The following CYTH3 variants were observed in gnomAD, a reference collection of about 807,000 sequenced individuals.
CYTH3 encodes cytohesin 3, also known as cytohesin-3.
CYTH3 carries 23 observed loss-of-function variants against 55.1 expected under a neutral mutation model. That is an observed-to-expected ratio of 0.42 (90% CI 0.30 to 0.59). The LOEUF is 0.59. Among genes scored for constraint, CYTH3 ranks in the 20% least tolerant of loss-of-function variants. The pLI, the probability that CYTH3 is intolerant of heterozygous loss-of-function variation, is 0.20. For missense variants in CYTH3, 413 were observed against 524.8 expected (o/e 0.79, Z 2.08); for synonymous variants, 249 against 194.9 (o/e 1.28, Z -2.31).
chr7:6,231,971 A>G (rs140025496), intron 1 of CYTH3, among the ~76,000 whole-genome samples: 3 of 152,228 alleles, frequency 2.0e-5, no homozygotes, highest in African/African-American at 7.2e-5. Flanking sequence ...GCAACAATTT[A>G]CCTGTTCTGC....
At chr7:6,221,312 C>A (rs1245631823) in intron 1 of CYTH3, among the ~76,000 whole-genome samples, 1 of 152,146 alleles carries the variant, frequency 6.6e-6, no homozygotes, top group Non-Finnish European at 1.5e-5. Flanking sequence ...GAAACAACCC[C>A]AGTCTGAAAA....
intron 1 of CYTH3, among the ~76,000 whole-genome samples, chr7:6,198,813 G>C (rs1562382927): frequency 6.6e-6 from 1 of 151,550 alleles, no homozygotes; most frequent in Non-Finnish European, 1.5e-5. Context: ...GAAATCACTG[G>C]TCTGGCATGA....
chr7:6,222,847 G>A (rs191446290), intron 1 of CYTH3, among the ~76,000 whole-genome samples: 18 of 151,598 alleles, frequency 1.2e-4, no homozygotes, highest in East Asian at 5.8e-4. Flanking sequence ...TTCAGGTGAC[G>A]GTTAACTCTT....
In CYTH3 at chr7:6,259,851, A is replaced by G. The variant is rs563236064; in HGVS notation, c.34+12623T>C. On this transcript the variant is annotated intron_variant, in intron 1 of 12. Transcript: ENST00000350796. ...ATATATATTTTTTTTTTTTTTTAAGACGGATTTTCGCTCTTGTTGCCCAGG... is the reference window on the plus strand; with the variant it reads ...ATATATATTTTTTTTTTTTTTTAAGGCGGATTTTCGCTCTTGTTGCCCAGG... 6.5e-4 allele frequency among the ~76,000 whole-genome samples: 58 copies of G among 89,648 alleles called. 2 individuals are homozygous for G. The East Asian group carries it at 0.015, about 23-fold the overall frequency. The allele number at this position is 89,648 out of a possible 152,430, so 58.8% of individuals were successfully genotyped here.
chr7:6,268,776 AAC>A (rs1780575060), intron 1 of CYTH3, among the ~76,000 whole-genome samples: 1 of 152,216 alleles, frequency 6.6e-6, no homozygotes, highest in Non-Finnish European at 1.5e-5. Context: ...CACCCAGAGA[AAC>A]AGAGACATCC....
chr7:6,245,524 T>C (rs930712180), intron 1 of CYTH3, among the ~76,000 whole-genome samples: 1 of 152,158 alleles, frequency 6.6e-6, no homozygotes, highest in Non-Finnish European at 1.5e-5. Flanking sequence ...GGGAGCAGGC[T>C]TCTTCCCTAC....
intron 4 of CYTH3, among the ~76,000 whole-genome samples, chr7:6,184,427 T>C (rs1000730663): frequency 6.6e-6 from 1 of 152,002 alleles, no homozygotes; most frequent in African/African-American, 2.4e-5. Context: ...TCTACAAAAC[T>C]TGTAGTTTTG....
chr7:6,183,156 A>G (rs1783550493), intron 4 of CYTH3, among the ~76,000 whole-genome samples: 1 of 152,150 alleles, frequency 6.6e-6, no homozygotes, highest in African/African-American at 2.4e-5. Flanking sequence ...TCACTGCTAG[A>G]CACAAGGTCA....
At chr7:6,249,011 T>C (rs999362157) in intron 1 of CYTH3, among the ~76,000 whole-genome samples, 12 of 152,244 alleles carry the variant, frequency 7.9e-5, no homozygotes, top group Admixed American at 3.3e-4. Context: ...TCTGTTTCTA[T>C]AGAAATTTTA....
At chr7:6,179,871 CACACA>C (rs1783458576) in intron 4 of CYTH3, among the ~76,000 whole-genome samples, 1 of 84,776 alleles carries the variant, frequency 1.2e-5, no homozygotes, top group African/African-American at 7.9e-5. Context: ...CACACACCCA[CACACA>C]CCACACACAC....
intron 5 of CYTH3, 43 bp from the exon 6 acceptor site, chr7:6,173,776 C>T (rs769820233): frequency 4.6e-5 from 53 of 1,164,662 alleles, no homozygotes; most frequent in Non-Finnish European, 5.2e-5. Flanking sequence ...TGTACATTAT[C>T]GCAATCATTT....
chr7:6,256,548 G>A (rs1780128964), intron 1 of CYTH3, among the ~76,000 whole-genome samples: 1 of 152,222 alleles, frequency 6.6e-6, no homozygotes, highest in African/African-American at 2.4e-5. Context: ...GGTAATACTT[G>A]ACAGGAAGAC....
At chr7:6,187,592 T>A (rs1229124348) in intron 3 of CYTH3, 65 bp downstream of exon 3, 2 of 1,438,060 alleles carry the variant, frequency 1.4e-6, no homozygotes, top group Non-Finnish European at 2.0e-6. Flanking sequence ...TCTGCAAGTT[T>A]GACTACAGGA....
At chr7:6,206,416 T>C (rs964551163) in intron 1 of CYTH3, among the ~76,000 whole-genome samples, 1 of 152,206 alleles carries the variant, frequency 6.6e-6, no homozygotes, top group African/African-American at 2.4e-5. Context: ...ACAAAACTAA[T>C]TTGTGTTGAT....
intron 1 of CYTH3, among the ~76,000 whole-genome samples, chr7:6,223,644 T>TA (rs1779151935): frequency 6.6e-6 from 1 of 151,992 alleles, no homozygotes; most frequent in Admixed American, 6.6e-5. Context: ...GCATGCTCGT[T>TA]AAGAGTCATC....
intron 2 of CYTH3, among the ~76,000 whole-genome samples, chr7:6,188,108 C>T (rs1783701881): frequency 6.6e-6 from 1 of 152,050 alleles, no homozygotes; most frequent in African/African-American, 2.4e-5. Context: ...AGAGGGATCG[C>T]TTGAGATCAG....
At chr7:6,180,413 G>C (rs1319549898) in intron 4 of CYTH3, among the ~76,000 whole-genome samples, 1 of 152,250 alleles carries the variant, frequency 6.6e-6, no homozygotes. Flanking sequence ...CTATGAGACA[G>C]AGAGGAGAAG....
In CYTH3 at chr7:6,177,717, T is replaced by C. The variant is rs1220279467; in HGVS notation, c.368+106A>G. The C allele has an allele frequency of 5.8e-6, 5 of 863,340 alleles. No homozygotes were observed. The African/African-American group carries it at 6.8e-5, about 12-fold the overall frequency. 53.5% of individuals were successfully genotyped at this position (863,340 alleles called of 1,614,324 possible). ...TGTGGATGCCCACAGCCCGTGGCTC[T>C]ATCATGCCTTTAGGCTGTGATGGCC... On this transcript the variant is annotated intron_variant, in intron 5 of 12. Coordinates refer to ENST00000350796, the MANE Select transcript of CYTH3 (RefSeq NM_004227.4).
intron 6 of CYTH3, among the ~76,000 whole-genome samples, chr7:6,173,417 G>A (rs1172320129): frequency 1.3e-5 from 2 of 152,242 alleles, no homozygotes; most frequent in African/African-American, 4.8e-5. Flanking sequence ...AATGGAAGGA[G>A]CATCAGCGGC....
Sources: gnomAD v4.1 joint callset for allele counts (sites outside exome capture counted in the v4.1 genomes callset) on GRCh38, gnomAD v4.1.1 for gene constraint, MANE v1.5 for transcripts, NCBI Gene and HGNC (gene_info 2026-07-23, HGNC 2026-07-21) for gene names.